Variants in IL31 observed in about 807,000 individuals in gnomAD.
The protein encoded by IL31 is interleukin 31.
Under a neutral mutation model 7.8 loss-of-function variants are expected in IL31, and 8 were observed. That is an observed-to-expected ratio of 1.02 (90% CI 0.60 to 1.84). The LOEUF is 1.84. IL31 is among the 40% of genes most tolerant of loss of function. The probability of loss-of-function intolerance (pLI) is 0.00; values close to 1 mark genes in which losing one functional copy is unlikely to be tolerated. For synonymous variants in IL31, 87 were observed against 86.5 expected (o/e 1.01, Z -0.03); for missense variants, 162 against 205.6 (o/e 0.79, Z 1.30).
chr12:122,172,837 G>T, intron 2 of IL31, 96 bp from the exon 3 acceptor site: 2 of 928,088 alleles, frequency 2.2e-6, no homozygotes, highest in Non-Finnish European at 3.3e-6. Flanking sequence ...AACCCGCCTC[G>T]TTGATATATT....
Position 122,174,164 on chromosome 12 carries a change from A to G in IL31, c.9T>C (p.Ser3=). Residue 3 remains serine, a synonymous_variant, in exon 1 of 3, where the codon TCT becomes TCC. Coordinates refer to ENST00000377035, the MANE Select transcript of IL31 (RefSeq NM_001014336.2). Reference sequence around the variant, plus strand: ...CACCAGGACCAGTGATACCTGAGTGAGAGGCCATGGCGAGAGAGAGCAAGG... The same window carrying G: ...CACCAGGACCAGTGATACCTGAGTGGGAGGCCATGGCGAGAGAGAGCAAGG... MA[S]HSGPSTSVLF... 2 of 1,614,150 alleles carry G rather than the reference A, an allele frequency of 1.2e-6. No homozygotes were observed. Among genetic ancestry groups the G allele is most frequent in the Non-Finnish European group, 1.7e-6 (2 of 1,180,028 alleles).
In IL31 at chr12:122,174,202, G is replaced by A. The variant is rs754483557; in HGVS notation, c.-30C>T. The A allele has an allele frequency of 6.2e-7, 1 of 1,614,018 alleles. No homozygotes were observed. Among genetic ancestry groups the A allele is most frequent in the Non-Finnish European group, 8.5e-7 (1 of 1,179,964 alleles). On this transcript the variant is annotated 5_prime_UTR_variant, in exon 1 of 3. Coordinates refer to ENST00000377035, the MANE Select transcript of IL31 (RefSeq NM_001014336.2). The stretch of plus-strand genomic sequence containing the variant: ...AGAGAGAGCAAGGCCAGCTTCAGTG[G>A]GGGCTTCTGGAGCCAGATGTGTTCG...
In IL31 at chr12:122,172,802, G is replaced by C. The variant is rs1208420107; in HGVS notation, c.166-61C>G. On this transcript the variant is annotated intron_variant, in intron 2 of 2. Coordinates refer to ENST00000377035, the MANE Select transcript of IL31 (RefSeq NM_001014336.2). ...GCAATGACAGCTGCAAGTCTTAACA[G>C]TGAATGTTTGCATGCTTCCTCCGTA... is the stretch of plus-strand genomic sequence containing the variant. The C allele has an allele frequency of 1.1e-5, 14 of 1,308,304 alleles. No homozygotes were observed. The African/African-American group carries it at 2.1e-4, about 19-fold the overall frequency. 81.0% of individuals were successfully genotyped at this position (1,308,304 alleles called of 1,614,324 possible).
In IL31 at chr12:122,172,652, G is replaced by A; in HGVS notation, c.255C>T (p.Ser85=). The A allele has an allele frequency of 1.2e-6, 2 of 1,614,148 alleles. No individual in the cohort carries two copies. Among genetic ancestry groups the A allele is most frequent in the Non-Finnish European group, 1.7e-6 (2 of 1,180,026 alleles). The stretch of plus-strand genomic sequence containing the variant: ...TCTTGAGATATGCCCGGATGGCTGG[G>A]CTGTGGATGTTGTTTGGCGGCTGGG... ...PDAQPPNNIH[S]PAIRAYLKTI... Residue 85 remains serine, a synonymous_variant, in exon 3 of 3, where the codon AGC becomes AGT. Transcript: ENST00000377035.
At chr12:122,173,423 C>G (rs1953506850) in intron 2 of IL31, among the ~76,000 whole-genome samples, 1 of 152,218 alleles carries the variant, frequency 6.6e-6, no homozygotes, top group Admixed American at 6.5e-5. Context: ...GTGGCTCACG[C>G]CTGTAATCCC....
chr12:122,173,746 C>T (rs769730075), intron 2 of IL31, 98 bp downstream of exon 2: 7 of 1,040,832 alleles, frequency 6.7e-6, no homozygotes, highest in South Asian at 1.5e-5. Flanking sequence ...GGCATAGCTA[C>T]AGCCCTGGTT....
chr12:122,173,421 C>A (rs1017233884), intron 2 of IL31, among the ~76,000 whole-genome samples: 1 of 152,218 alleles, frequency 6.6e-6, no homozygotes, highest in Non-Finnish European at 1.5e-5. Flanking sequence ...CAGTGGCTCA[C>A]GCCTGTAATC....
In IL31 at chr12:122,172,332, G is replaced by A. The variant is rs1245704527; in HGVS notation, c.*80C>T. On this transcript the variant is annotated 3_prime_UTR_variant, in exon 3 of 3. Coordinates refer to ENST00000377035, the MANE Select transcript of IL31 (RefSeq NM_001014336.2). ...TGGAAAAATGTACTTAAGGAATCAC[G>A]GCAGAGTTCCCACACTTAGCTGTCG... 3 of 1,014,120 alleles carry A rather than the reference G, an allele frequency of 3.0e-6. No individual in the cohort carries two copies. The highest frequency in any genetic ancestry group is 2.4e-5 in the East Asian group (1 of 41,940). The allele number at this position is 1,014,120 out of a possible 1,614,324, so 62.8% of individuals were successfully genotyped here.
intron 2 of IL31, among the ~76,000 whole-genome samples, chr12:122,173,421 C>T (rs1017233884): frequency 2.6e-5 from 4 of 152,336 alleles, no homozygotes; most frequent in Admixed American, 1.3e-4. Context: ...CAGTGGCTCA[C>T]GCCTGTAATC....
In IL31 at chr12:122,172,751, G is replaced by C. The variant is rs749751561; in HGVS notation, c.166-10C>G. 2 of 1,591,120 alleles carry C rather than the reference G, an allele frequency of 1.3e-6. No individual in the cohort carries two copies. Among genetic ancestry groups the C allele is most frequent in the Non-Finnish European group, 1.7e-6 (2 of 1,166,838 alleles). ...CCTTCTCTTCCTCCACCTGTGGAAT[G>C]AGGAGAAATGGTCAGTGTTGGGTTT... is the stretch of plus-strand genomic sequence containing the variant. On this transcript the variant is annotated splice_polypyrimidine_tract_variant and intron_variant, in intron 2 of 2. Coordinates refer to ENST00000377035, the MANE Select transcript of IL31 (RefSeq NM_001014336.2).
Position 122,172,612 on chromosome 12 carries a change from C to T in IL31, c.295G>A (p.Asp99Asn). ...RAYLKTIRQL[D>N]NKSVIDEIIE... ...ATCTCATCAATAACAGATTTGTTGT[C>T]TAGCTGTCTGATTGTCTTGAGATAT... Residue 99 changes from aspartate (D) to asparagine (N), a missense_variant, in exon 3 of 3, where the codon GAC becomes AAC. Transcript: ENST00000377035. The T allele has an allele frequency of 6.2e-7, 1 of 1,614,104 alleles. No homozygotes were observed. Among genetic ancestry groups the T allele is most frequent in the Non-Finnish European group, 8.5e-7 (1 of 1,180,028 alleles).
Position 122,172,457 on chromosome 12 carries a change from G to C in IL31, c.450C>G (p.Leu150=). 1 of 1,614,090 alleles carries C rather than the reference G, an allele frequency of 6.2e-7. No homozygotes were observed. Among genetic ancestry groups the C allele is most frequent in the Non-Finnish European group, 8.5e-7 (1 of 1,179,976 alleles). The change falls in exon 3 of 3, where the codon CTC becomes CTG. Residue 150 remains leucine (L), a synonymous_variant. Coordinates refer to ENST00000377035, the MANE Select transcript of IL31 (RefSeq NM_001014336.2). ...CTCCAGAGGTCAATGATTTTAGTGC[G>C]AGGTCCATGCACTCTGAAAACTGTT... ...ISQQFSECMD[L]ALKSLTSGAQ... is the part of the protein sequence containing the mutation.
Position 122,172,858 on chromosome 12 carries a change from A to G in IL31, c.166-117T>C, listed in dbSNP as rs1450433696. On this transcript the variant is annotated intron_variant, in intron 2 of 2. Coordinates refer to ENST00000377035, the MANE Select transcript of IL31 (RefSeq NM_001014336.2). ...CCTCGTTGATATATTTATCTGATCA[A>G]TGTCACAACCCTATGAGGCTGTGCC... is the stretch of plus-strand genomic sequence containing the variant. 3.8e-6 allele frequency: 3 copies of G among 798,270 alleles called. No individual in the cohort carries two copies. In the Admixed American group the frequency reaches 7.9e-5, roughly 21 times the overall value. 49.4% of individuals were successfully genotyped at this position (798,270 alleles called of 1,614,324 possible).
Position 122,172,778 on chromosome 12 carries a change from C to T in IL31, c.166-37G>A, listed in dbSNP as rs576191798. ...GGAGAAATGGTCAGTGTTGGGTTTG[C>T]AATGACAGCTGCAAGTCTTAACAGT... On this transcript the variant is annotated intron_variant, in intron 2 of 2. Coordinates refer to ENST00000377035, the MANE Select transcript of IL31 (RefSeq NM_001014336.2). 2.7e-6 allele frequency: 4 copies of T among 1,500,654 alleles called. 1 individual carries two copies. The East Asian group carries it at 9.5e-5, about 36-fold the overall frequency. 93.0% of individuals were successfully genotyped at this position (1,500,654 alleles called of 1,614,324 possible). A position where few individuals can be genotyped will look rare whatever the true frequency, so the allele number is the denominator to read the frequency against.
rs971558116 is a variant in IL31 at position 122,174,086 on chromosome 12, A to G, written c.16+71T>C. The G allele has an allele frequency of 1.2e-5, 20 of 1,613,682 alleles. No individual in the cohort carries two copies. The African/African-American group carries it at 2.5e-4, about 20-fold the overall frequency. On this transcript the variant is annotated intron_variant, in intron 1 of 2. Transcript: ENST00000377035. ...GCCCTGCTGAGCCAACCCTGGGGGT[A>G]GTGCTTCCAGAATCTTCCTGGTGAG... is the stretch of plus-strand genomic sequence containing the variant.
chr12:122,172,406 A>G lies in IL31; in HGVS notation c.*6T>C, dbSNP rs995411296. 2 of 1,600,784 alleles carry G rather than the reference A, an allele frequency of 1.2e-6. No homozygotes were observed. Among genetic ancestry groups the G allele is most frequent in the African/African-American group, 2.7e-5 (2 of 74,400 alleles). ...GTTCCTGCCAATCCGAAAGGAAGAG[A>G]TGGCCTTAAGTGGTGGCCTGTTGGG... On this transcript the variant is annotated 3_prime_UTR_variant, in exon 3 of 3. Coordinates refer to ENST00000377035, the MANE Select transcript of IL31 (RefSeq NM_001014336.2).
chr12:122,174,207 T>G lies in IL31; in HGVS notation c.-35A>C. ...GAGCAAGGCCAGCTTCAGTGGGGGC[T>G]TCTGGAGCCAGATGTGTTCGCCATG... On this transcript the variant is annotated 5_prime_UTR_variant, in exon 1 of 3. Coordinates refer to ENST00000377035, the MANE Select transcript of IL31 (RefSeq NM_001014336.2). 1 of 1,613,848 alleles carries G rather than the reference T, an allele frequency of 6.2e-7. No individual in the cohort carries two copies. Among genetic ancestry groups the G allele is most frequent in the East Asian group, 2.2e-5 (1 of 44,882 alleles).
At position 122,173,889 on chromosome 12, in the gene IL31, T is replaced by A. The variant is rs1462805505; in HGVS notation, c.120A>T (p.Lys40Asn). Residue 40 changes from lysine (K) to asparagine (N), a missense_variant, in exon 2 of 3, where the codon AAA becomes AAT. By Grantham distance (94) the Lys-to-Asn change is moderately conservative. Transcript: ENST00000377035. ...RLLRPSDDVQKIVEELQSLSK... is the reference protein window; with the variant it reads ...RLLRPSDDVQNIVEELQSLSK... ...AGAGGGACTGTAATTCCTCGACTAT[T>A]TTCTGTACATCATCACTTGGTCGTA... 6.2e-7 allele frequency: 1 copy of A among 1,614,132 alleles called. No homozygotes were observed.
chr12:122,172,421 G>A lies in IL31; in HGVS notation c.486C>T (p.Ala162=). ...AAAGGAAGAGATGGCCTTAAGTGGT[G>A]GCCTGTTGGGCTCCAGAGGTCAATG... ...LKSLTSGAQQ[A]TT The change falls in exon 3 of 3, where the codon GCC becomes GCT. Residue 162 remains alanine, a synonymous_variant. Coordinates refer to ENST00000377035, the MANE Select transcript of IL31 (RefSeq NM_001014336.2). 1 of 1,611,642 alleles carries A rather than the reference G, an allele frequency of 6.2e-7. No individual in the cohort carries two copies. Among genetic ancestry groups the A allele is most frequent in the Non-Finnish European group, 8.5e-7 (1 of 1,178,108 alleles).
Sources: gnomAD v4.1 joint callset for allele counts (sites outside exome capture counted in the v4.1 genomes callset) on GRCh38, gnomAD v4.1.1 for gene constraint, MANE v1.5 for transcripts, NCBI Gene and HGNC (gene_info 2026-07-23, HGNC 2026-07-21) for gene names.